The following CCND2 variants were observed in gnomAD, a reference collection of about 807,000 sequenced individuals.
The protein encoded by CCND2 is G1/S-specific cyclin-D2.
Under a neutral mutation model 30.2 loss-of-function variants are expected in CCND2, and 6 were observed. The observed-to-expected ratio is 0.20, with a 90% CI of 0.11 to 0.39. The LOEUF is 0.39. CCND2 is among the 10% of genes least tolerant of loss of function. The pLI is 1.00. For missense variants in CCND2, 235 were observed against 373.4 expected, an observed-to-expected ratio of 0.63 and a Z score of 3.06; for synonymous variants, 150 against 153.1, an observed-to-expected ratio of 0.98 and a Z score of 0.15.
rs1294736834 is a variant in CCND2, at chr12:4,302,524, G to C, written c.*2515G>C. The C allele has an allele frequency of 4.3e-6, 1 of 232,948 alleles. No homozygotes were observed. The highest frequency in any genetic ancestry group is 8.5e-6 in the Non-Finnish European group (1 of 117,954). 14.4% of individuals were successfully genotyped at this position (232,948 alleles called of 1,614,324 possible). On this transcript the variant is annotated 3_prime_UTR_variant, in exon 5 of 5. Coordinates refer to ENST00000261254, the MANE Select transcript of CCND2 (RefSeq NM_001759.4). Reference sequence around the variant, plus strand: ...TAGGATCATCTCTGCAGGTTTCCTAGGTCTGAATCTGCGAGTAGATGAACC... The same window carrying C: ...TAGGATCATCTCTGCAGGTTTCCTACGTCTGAATCTGCGAGTAGATGAACC...
intron 4 of CCND2, among the ~76,000 whole-genome samples, chr12:4,295,884 C>T (rs1864162174): frequency 6.6e-6 from 1 of 152,254 alleles, no homozygotes; most frequent in African/African-American, 2.4e-5. Flanking sequence ...AAACCTTCCT[C>T]TGTTTTATGT....
intron 2 of CCND2, among the ~76,000 whole-genome samples, chr12:4,277,045 G>A (rs546026639): frequency 1.3e-5 from 2 of 152,310 alleles, no homozygotes; most frequent in South Asian, 4.1e-4. Context: ...CCCGCACAAA[G>A]TCCACAGGGC....
chr12:4,275,920 G>T, intron 1 of CCND2, 85 bp from the exon 2 acceptor site: 1 of 868,348 alleles, frequency 1.2e-6, no homozygotes, highest in Non-Finnish European at 1.8e-6. Context: ...TGTTTCGATA[G>T]ATTACGCTTT....
intron 3 of CCND2, among the ~76,000 whole-genome samples, chr12:4,284,061 G>T (rs1457238931): frequency 6.6e-6 from 1 of 152,148 alleles, no homozygotes; most frequent in Non-Finnish European, 1.5e-5. Context: ...AGGGATGCTG[G>T]GCGCCTTTCT....
At chr12:4,297,030 C>T (rs868731603) in intron 4 of CCND2, among the ~76,000 whole-genome samples, 2 of 152,016 alleles carry the variant, frequency 1.3e-5, no homozygotes, top group Non-Finnish European at 2.9e-5. Context: ...CTCCTTCACA[C>T]GGTGCTCAAG....
At position 4,278,938 on chromosome 12, in the gene CCND2, C is replaced by G. The variant is rs200396246; in HGVS notation, c.571+19C>G. Reference sequence around the variant, plus strand: ...GCCACCGGTAAGATGAGGCTTGAGCCGGGGAGGGAGATGGGGGAGCTCTTT... The same window carrying G: ...GCCACCGGTAAGATGAGGCTTGAGCGGGGGAGGGAGATGGGGGAGCTCTTT... On this transcript the variant is annotated intron_variant, in intron 3 of 4. Coordinates refer to ENST00000261254, the MANE Select transcript of CCND2 (RefSeq NM_001759.4). The G allele has an allele frequency of 6.3e-7, 1 of 1,593,492 alleles. No homozygotes were observed. Among genetic ancestry groups the G allele is most frequent in the Non-Finnish European group, 8.6e-7 (1 of 1,165,440 alleles).
In CCND2 at chr12:4,287,338, A is replaced by C. The variant is rs548321728; in HGVS notation, c.572-1504A>C. On this transcript the variant is annotated intron_variant, in intron 3 of 4. Coordinates refer to ENST00000261254, the MANE Select transcript of CCND2 (RefSeq NM_001759.4). The surrounding 1 kb of genome is among the most constrained non-coding windows in gnomAD (Gnocchi z 4.0). The stretch of plus-strand genomic sequence containing the variant: ...TGACCATTAAAAGAGCTGCTGTAGA[A>C]AGTGTGTTTGTAATAGAGTGTGTAC... Among the ~76,000 whole-genome samples the C allele has an allele frequency of 4.6e-5, 7 of 152,272 alleles. No individual in the cohort carries two copies. In the South Asian group the frequency reaches 6.2e-4, roughly 14 times the overall value.
rs1223894718 is a variant in CCND2, at chr12:4,302,480, G to A, written c.*2471G>A. ...TTCCCCTCCGTCTTTCCCCTCCCCTGGCATGGACACCTTGTGTTTAGGATC... is the reference window on the plus strand; with the variant it reads ...TTCCCCTCCGTCTTTCCCCTCCCCTAGCATGGACACCTTGTGTTTAGGATC... On this transcript the variant is annotated 3_prime_UTR_variant, in exon 5 of 5. Transcript: ENST00000261254. 4.3e-6 allele frequency: 1 copy of A among 233,004 alleles called. No individual in the cohort carries two copies. The highest frequency in any genetic ancestry group is 8.5e-6 in the Non-Finnish European group (1 of 117,926). 14.4% of individuals were successfully genotyped at this position (233,004 alleles called of 1,614,324 possible).
rs2120603401 is a variant in CCND2 at position 4,303,412 on chromosome 12, T to C, written c.*3403T>C. The C allele has an allele frequency of 4.3e-6, 1 of 233,558 alleles. No homozygotes were observed. Among genetic ancestry groups the C allele is most frequent in the East Asian group, 6.0e-5 (1 of 16,600 alleles). The allele number at this position is 233,558 out of a possible 1,614,324, so 14.5% of individuals were successfully genotyped here. On this transcript the variant is annotated 3_prime_UTR_variant, in exon 5 of 5. Coordinates refer to ENST00000261254, the MANE Select transcript of CCND2 (RefSeq NM_001759.4). The surrounding 1 kb of genome is among the most constrained non-coding windows in gnomAD (Gnocchi z 4.6). ...GGATTTGAACTTGCTCTTTTTGTTG[T>C]TGTTGTTCTTTCTCTTCTTTTTCTT...
chr12:4,273,763 G>A lies in CCND2; in HGVS notation c.-278G>A, dbSNP rs774334521. ...CCAGCCAGCTTGCGTCACCGCTTCA[G>A]AGCGGAGAAGAGCGAGCAGGGGAGA... On this transcript the variant is annotated 5_prime_UTR_variant, in exon 1 of 5. Coordinates refer to ENST00000261254, the MANE Select transcript of CCND2 (RefSeq NM_001759.4). The surrounding 1 kb of genome is among the most constrained non-coding windows in gnomAD (Gnocchi z 5.9). 6.5e-5 allele frequency: 33 copies of A among 511,376 alleles called. No individual in the cohort carries two copies. Among genetic ancestry groups the A allele is most frequent in the Non-Finnish European group, 1.0e-4 (30 of 289,238 alleles). The allele number at this position is 511,376 out of a possible 1,614,324, so 31.7% of individuals were successfully genotyped here.
intron 4 of CCND2, among the ~76,000 whole-genome samples, chr12:4,294,746 C>G (rs575177125): frequency 6.6e-6 from 1 of 152,312 alleles, no homozygotes; most frequent in South Asian, 2.1e-4. Flanking sequence ...GGGCATTTGG[C>G]TATTTGATTT....
In CCND2 at chr12:4,299,447, C is replaced by T. The variant is rs1473280598; in HGVS notation, c.721-413C>T. Among the ~76,000 whole-genome samples the T allele has an allele frequency of 2.6e-5, 4 of 152,182 alleles. No homozygotes were observed. The highest frequency in any genetic ancestry group is 2.6e-4 in the Admixed American group (4 of 15,278). On this transcript the variant is annotated intron_variant, in intron 4 of 4. Transcript: ENST00000261254. This position sits in a 1 kb window ranked among gnomAD's most constrained non-coding sequence, Gnocchi z 5.2. The stretch of plus-strand genomic sequence containing the variant: ...TGAGTTTGCTAATGTCATAGCACTT[C>T]TAGTAGCCTTCCCCTTTTCTCTGCC...
In CCND2 at chr12:4,300,330, A is replaced by G; in HGVS notation, c.*321A>G. ...GTAGTTAGAGAATATGTATGCCTGC[A>G]ATATGGGAACAAATTAGAGGAGACT... On this transcript the variant is annotated 3_prime_UTR_variant, in exon 5 of 5. Coordinates refer to ENST00000261254, the MANE Select transcript of CCND2 (RefSeq NM_001759.4). The G allele has an allele frequency of 3.4e-6, 1 of 292,606 alleles. No homozygotes were observed. Among genetic ancestry groups the G allele is most frequent in the Non-Finnish European group, 6.4e-6 (1 of 155,228 alleles). The allele number at this position is 292,606 out of a possible 1,614,324, so 18.1% of individuals were successfully genotyped here. A position where few individuals can be genotyped will look rare whatever the true frequency, so the allele number is the denominator to read the frequency against.
chr12:4,285,297 C>T lies in CCND2; in HGVS notation c.572-3545C>T. On this transcript the variant is annotated intron_variant, in intron 3 of 4. Coordinates refer to ENST00000261254, the MANE Select transcript of CCND2 (RefSeq NM_001759.4). The surrounding 1 kb of genome is among the most constrained non-coding windows in gnomAD (Gnocchi z 4.1). ...CAGGAGGAAGGATCTCAGGAAGTCACCAGCATCTCACCTCTCCAGGTGGGC... is the reference window on the plus strand; with the variant it reads ...CAGGAGGAAGGATCTCAGGAAGTCATCAGCATCTCACCTCTCCAGGTGGGC... 1.0e-6 allele frequency: 1 copy of T among 985,434 alleles called. No homozygotes were observed. 61.0% of individuals were successfully genotyped at this position (985,434 alleles called of 1,614,324 possible).
chr12:4,274,751 G>C lies in CCND2; in HGVS notation c.195+516G>C, dbSNP rs1211748839. On this transcript the variant is annotated intron_variant, in intron 1 of 4. Coordinates refer to ENST00000261254, the MANE Select transcript of CCND2 (RefSeq NM_001759.4). This position sits in a 1 kb window ranked among gnomAD's most constrained non-coding sequence, Gnocchi z 7.7. ...GGAGAAGGAGAGAAACGGGGAATTC[G>C]GGAGCCCCGGAAGTCCCATTGAAGA... is the stretch of plus-strand genomic sequence containing the variant. Among the ~76,000 whole-genome samples the C allele has an allele frequency of 6.6e-6, 1 of 152,198 alleles. No homozygotes were observed. The highest frequency in any genetic ancestry group is 1.5e-5 in the Non-Finnish European group (1 of 68,040).
chr12:4,283,649 C>T (rs1863982796), intron 3 of CCND2, among the ~76,000 whole-genome samples: 2 of 152,236 alleles, frequency 1.3e-5, no homozygotes, highest in Admixed American at 1.3e-4. Context: ...CAGCCCACAG[C>T]AGAGCTGCCC....
chr12:4,278,452 T>A (rs574164754), intron 2 of CCND2, among the ~76,000 whole-genome samples: 1 of 152,192 alleles, frequency 6.6e-6, no homozygotes, highest in Non-Finnish European at 1.5e-5. Context: ...CAGTATTGCC[T>A]GCAAGTCAGG....
Position 4,299,947 on chromosome 12 carries a change from A to G in CCND2, c.808A>G (p.Lys270Glu). 6.2e-7 allele frequency: 1 copy of G among 1,614,180 alleles called. No individual in the cohort carries two copies. The highest frequency in any genetic ancestry group is 8.5e-7 in the Non-Finnish European group (1 of 1,180,022). ...QYRQDQRDGS[K>E]SEDELDQAST... ...CCGTCAGGACCAACGTGACGGATCC[A>G]AGTCGGAGGATGAACTGGACCAAGC... is the stretch of plus-strand genomic sequence containing the variant. Residue 270 changes from lysine to glutamate, a missense_variant, in exon 5 of 5, where the codon AAG becomes GAG. This residue lies in a region of CCND2 where 57 missense variants were observed against 50.7 expected (regional missense o/e 1.12). Transcript: ENST00000261254. The surrounding 1 kb of genome is among the most constrained non-coding windows in gnomAD (Gnocchi z 5.2).
intron 4 of CCND2, among the ~76,000 whole-genome samples, chr12:4,298,644 G>T (rs1864206778): frequency 6.6e-6 from 1 of 152,206 alleles, no homozygotes; most frequent in Non-Finnish European, 1.5e-5. Context: ...AAACAAAAGG[G>T]AAGTTTATAT....
Sources: allele counts gnomAD v4.1 joint callset (sites outside exome capture counted in the v4.1 genomes callset), GRCh38; gene constraint gnomAD v4.1.1; regional missense constraint gnomAD v4.1.1; non-coding constraint Gnocchi (gnomAD v3.1); transcripts MANE v1.5; gene names NCBI Gene and HGNC (gene_info 2026-07-23, HGNC 2026-07-21).